Variants in CADM2 observed in about 807,000 individuals in gnomAD.
CADM2 encodes cell adhesion molecule 2.
A neutral mutation model predicts 49.8 loss-of-function variants in CADM2; 12 were observed. The observed-to-expected ratio is 0.24, with a 90% CI of 0.15 to 0.39. The LOEUF (loss-of-function observed/expected upper bound fraction) is 0.39. Ranked by LOEUF, CADM2 falls within the 10% of genes least tolerant of loss-of-function variation. CADM2 has a pLI of 1.00. For synonymous variants in CADM2, 214 were observed against 175.4 expected, an observed-to-expected ratio of 1.22 and a Z score of -1.74; for missense variants, 378 against 492.3, an observed-to-expected ratio of 0.77 and a Z score of 2.20.
At chr3:85,834,622 G>A (rs945456456) in intron 3 of CADM2, among the ~76,000 whole-genome samples, 27 of 151,630 alleles carry the variant, frequency 1.8e-4, no homozygotes, top group Non-Finnish European at 3.7e-4. Flanking sequence ...TTCTGAGTTT[G>A]ACTTGTAGTT....
chr3:85,255,030 A>G (rs1193193913), intron 1 of CADM2, among the ~76,000 whole-genome samples: 1 of 152,080 alleles, frequency 6.6e-6, no homozygotes, highest in Non-Finnish European at 1.5e-5. Flanking sequence ...ATAGGATGAA[A>G]ATATATTAAA....
At chr3:85,957,441 A>G (rs542922302) in intron 7 of CADM2, among the ~76,000 whole-genome samples, 18 of 150,866 alleles carry the variant, frequency 1.2e-4, no homozygotes, top group African/African-American at 4.1e-4. Flanking sequence ...TTTGTTTTTT[A>G]TCTTCCTGAA....
At chr3:85,305,901 A>G (rs2044200927) in intron 1 of CADM2, among the ~76,000 whole-genome samples, 1 of 151,690 alleles carries the variant, frequency 6.6e-6, no homozygotes, top group South Asian at 2.1e-4. Flanking sequence ...TGAAGCTACT[A>G]CATTTAGCAA....
At chr3:85,796,439 G>A (rs964317091) in intron 2 of CADM2, among the ~76,000 whole-genome samples, 2 of 152,026 alleles carry the variant, frequency 1.3e-5, no homozygotes, top group Admixed American at 1.3e-4. Context: ...TCCCACTGTG[G>A]CTCCTGTTGA....
chr3:85,946,162 G>A (rs1159925875), intron 7 of CADM2, among the ~76,000 whole-genome samples: 3 of 151,976 alleles, frequency 2.0e-5, no homozygotes, highest in African/African-American at 7.3e-5. Context: ...CAAATCATGA[G>A]TGAACTCCCA....
intron 2 of CADM2, among the ~76,000 whole-genome samples, chr3:85,796,632 C>G (rs2071639589): frequency 1.3e-5 from 2 of 152,110 alleles, no homozygotes; most frequent in Admixed American, 1.3e-4. Context: ...AACCTCTATG[C>G]TTGTGTCATT....
intron 1 of CADM2, among the ~76,000 whole-genome samples, chr3:85,449,508 C>T (rs1254425520): frequency 2.6e-5 from 4 of 151,760 alleles, no homozygotes; most frequent in Non-Finnish European, 5.9e-5. Context: ...GACCTCAAGA[C>T]CCGATTGCAC....
At chr3:85,729,572 A>T (rs1425400295) in intron 2 of CADM2, among the ~76,000 whole-genome samples, 1 of 152,164 alleles carries the variant, frequency 6.6e-6, no homozygotes, top group Non-Finnish European at 1.5e-5. Flanking sequence ...TTCACGCGTA[A>T]ATTTTGTATG....
intron 1 of CADM2, among the ~76,000 whole-genome samples, chr3:85,285,250 C>T (rs962034397): frequency 1.3e-5 from 2 of 152,052 alleles, no homozygotes; most frequent in Non-Finnish European, 2.9e-5. Context: ...AGGCAAATTT[C>T]ATTCTGCAGA....
intron 1 of CADM2, among the ~76,000 whole-genome samples, chr3:85,654,531 T>C (rs1280204709): frequency 6.6e-6 from 1 of 152,098 alleles, no homozygotes; most frequent in Non-Finnish European, 1.5e-5. Context: ...AGCATGATTG[T>C]CAGCCAGGAA....
At chr3:85,641,699 G>A (rs1416317876) in intron 1 of CADM2, among the ~76,000 whole-genome samples, 1 of 151,868 alleles carries the variant, frequency 6.6e-6, no homozygotes, top group South Asian at 2.1e-4. Flanking sequence ...GGCTGAGGCC[G>A]GCAGATCACG....
chr3:85,804,234 A>G (rs923368020), intron 3 of CADM2, among the ~76,000 whole-genome samples: 18 of 152,286 alleles, frequency 1.2e-4, no homozygotes, highest in African/African-American at 4.1e-4. Context: ...CTGGAAAAAA[A>G]TAGACTTCTG....
chr3:85,681,857 CA>C (rs1553662358), intron 1 of CADM2, among the ~76,000 whole-genome samples: 1 of 152,044 alleles, frequency 6.6e-6, no homozygotes, highest in Non-Finnish European at 1.5e-5. Context: ...AAAATTATTG[CA>C]AAAACGTATC....
chr3:85,988,857 G>T (rs1361112300), intron 8 of CADM2, among the ~76,000 whole-genome samples: 1 of 152,118 alleles, frequency 6.6e-6, no homozygotes, highest in South Asian at 2.1e-4. Context: ...AGCAAAGAAG[G>T]CTGAACAATG....
At chr3:85,065,607 T>C (rs1022798420) in intron 1 of CADM2, among the ~76,000 whole-genome samples, 5 of 152,186 alleles carry the variant, frequency 3.3e-5, no homozygotes, top group Admixed American at 3.3e-4. Flanking sequence ...AAGATCTAAA[T>C]AAGATTTTTC....
At chr3:85,150,168 C>G (rs2039878789) in intron 1 of CADM2, among the ~76,000 whole-genome samples, 1 of 152,126 alleles carries the variant, frequency 6.6e-6, no homozygotes. Context: ...TAAATTTTAG[C>G]TTTCAGAAGC....
At chr3:85,266,226 C>G (rs558717602) in intron 1 of CADM2, among the ~76,000 whole-genome samples, 1 of 151,948 alleles carries the variant, frequency 6.6e-6, no homozygotes, top group African/African-American at 2.4e-5. Flanking sequence ...TGGATTTTTG[C>G]AGTCTCAAAA....
chr3:84,970,104 C>T (rs1424321616), intron 1 of CADM2, among the ~76,000 whole-genome samples: 1 of 138,068 alleles, frequency 7.2e-6, no homozygotes, highest in East Asian at 2.1e-4. Flanking sequence ...TCTGATTAGT[C>T]CCTGAAGTGA....
At chr3:85,554,666 A>T (rs2061903796) in intron 1 of CADM2, among the ~76,000 whole-genome samples, 1 of 152,116 alleles carries the variant, frequency 6.6e-6, no homozygotes, top group Non-Finnish European at 1.5e-5. Flanking sequence ...GATTATTTTA[A>T]TTTTATATGT....
Sources: gnomAD v4.1 joint callset for allele counts (sites outside exome capture counted in the v4.1 genomes callset) on GRCh38, gnomAD v4.1.1 for gene constraint, MANE v1.5 for transcripts, NCBI Gene and HGNC (gene_info 2026-07-23, HGNC 2026-07-21) for gene names.